Variants in MEMO1 observed in about 807,000 individuals in gnomAD.
MEMO1 encodes mediator of cell motility 1, also known as protein MEMO1.
In MEMO1, 6 loss-of-function variants were observed where a neutral mutation model predicts 45.2. The ratio of observed to expected loss-of-function variants is 0.13; its 90% CI spans 0.07 to 0.26. The LOEUF is 0.26. Ranked by LOEUF, MEMO1 falls within the 10% of genes least tolerant of loss-of-function variation. The probability of loss-of-function intolerance (pLI) is 1.00; values close to 1 mark genes in which losing one functional copy is unlikely to be tolerated. For missense variants in MEMO1, 184 were observed against 370.5 expected (o/e 0.50, Z 4.13); for synonymous variants, 78 against 124.3 (o/e 0.63, Z 2.48).
chr2:32,006,354 T>C (rs1674067500), intron 2 of MEMO1, among the ~76,000 whole-genome samples: 1 of 152,160 alleles, frequency 6.6e-6, no homozygotes, highest in Non-Finnish European at 1.5e-5. Flanking sequence ...ATGAAAGCGG[T>C]AGCAAATCTG....
chr2:31,918,056 A>G lies in MEMO1; in HGVS notation c.326-19T>C. ...CCGTAAACTAAAGAGATTTCAAAAT[A>G]CAGTAAAATAAATATATTAATGTAT... On this transcript the variant is annotated intron_variant, in intron 5 of 9. Coordinates refer to ENST00000404530, the MANE Select transcript of MEMO1 (RefSeq NM_001301833.4). 1 of 1,541,442 alleles carries G rather than the reference A, an allele frequency of 6.5e-7. No individual in the cohort carries two copies. The highest frequency in any genetic ancestry group is 1.1e-5 in the South Asian group (1 of 87,608).
chr2:31,878,812 C>CAG (rs10668148), intron 8 of MEMO1, among the ~76,000 whole-genome samples: 138,276 of 152,094 alleles, frequency 0.91, 62,953 homozygotes, highest in East Asian at 1. Flanking sequence ...ATTTTAATGA[C>CAG]GGGAAAATTT....
rs114503197 is a variant in MEMO1, at chr2:31,998,182, A to G, written c.61+12005T>C. ...AGGCATGTGCCAACCACACCTGGCTAATTTTTGTTATTTTTTGTAGAGACG... is the reference window on the plus strand; with the variant it reads ...AGGCATGTGCCAACCACACCTGGCTGATTTTTGTTATTTTTTGTAGAGACG... On this transcript the variant is annotated intron_variant, in intron 2 of 9. Transcript: ENST00000404530. Among the ~76,000 whole-genome samples the G allele has an allele frequency of 9.2e-3, 1,396 of 152,184 alleles. 23 individuals are homozygous for G. Among genetic ancestry groups the G allele is most frequent in the African/African-American group, 0.031 (1,305 of 41,520 alleles).
intron 2 of MEMO1, among the ~76,000 whole-genome samples, chr2:31,980,996 A>G (rs886570478): frequency 1.3e-5 from 2 of 152,206 alleles, no homozygotes; most frequent in African/African-American, 4.8e-5. Flanking sequence ...TCAGTGTCCA[A>G]CTCTTTCCCA....
At chr2:31,986,734 A>C (rs1671307712) in intron 2 of MEMO1, among the ~76,000 whole-genome samples, 2 of 152,216 alleles carry the variant, frequency 1.3e-5, no homozygotes, top group Admixed American at 1.3e-4. Flanking sequence ...AACTTAAGTA[A>C]CTTCAAATTG....
intron 2 of MEMO1, among the ~76,000 whole-genome samples, chr2:31,969,386 TATATATACGTGTATATAC>T: frequency 1.3e-5 from 2 of 149,546 alleles, no homozygotes; most frequent in Non-Finnish European, 3.0e-5. Context: ...CACATGTGTA[TATATATACGTGTATATAC>T]ATATATACAC....
At chr2:31,913,976 G>C (rs1425375628) in intron 6 of MEMO1, among the ~76,000 whole-genome samples, 1 of 152,154 alleles carries the variant, frequency 6.6e-6, no homozygotes, top group African/African-American at 2.4e-5. Context: ...TCGATATTAA[G>C]AGGGCTGGAA....
chr2:31,959,639 A>G (rs149995636), intron 2 of MEMO1, among the ~76,000 whole-genome samples: 5 of 152,288 alleles, frequency 3.3e-5, no homozygotes, highest in African/African-American at 7.2e-5. Flanking sequence ...AAAATGGAGA[A>G]AGCAAATGAA....
At chr2:32,002,165 AAAAAT>A (rs1673419492) in intron 2 of MEMO1, among the ~76,000 whole-genome samples, 1 of 123,518 alleles carries the variant, frequency 8.1e-6, no homozygotes, top group African/African-American at 3.4e-5. Context: ...AAAAAAAAAA[AAAAAT>A]ATATATATAT....
At chr2:31,918,666 A>C (rs1681838587) in intron 5 of MEMO1, among the ~76,000 whole-genome samples, 1 of 152,182 alleles carries the variant, frequency 6.6e-6, no homozygotes, top group African/African-American at 2.4e-5. Context: ...ACTTTAAAAC[A>C]CCTAGTAATT....
At chr2:31,988,175 A>G (rs1336736120) in intron 2 of MEMO1, among the ~76,000 whole-genome samples, 6 of 152,204 alleles carry the variant, frequency 3.9e-5, no homozygotes, top group Admixed American at 3.9e-4. Context: ...AAGGTCCTCC[A>G]GACCAAAACC....
chr2:31,961,190 T>C (rs909742779), intron 2 of MEMO1, among the ~76,000 whole-genome samples: 1 of 151,720 alleles, frequency 6.6e-6, no homozygotes, highest in Admixed American at 6.6e-5. Flanking sequence ...AATCCCCCTC[T>C]CTACTGAAAA....
chr2:31,906,483 C>T (rs1312554541), intron 6 of MEMO1, among the ~76,000 whole-genome samples: 1 of 151,830 alleles, frequency 6.6e-6, no homozygotes, highest in Non-Finnish European at 1.5e-5. Context: ...GCCACCAAGC[C>T]TGGCTAATTT....
rs759538079 is a variant in MEMO1, at chr2:31,932,148, A to G, written c.144-13T>C. 6.2e-7 allele frequency: 1 copy of G among 1,608,966 alleles called. No individual in the cohort carries two copies. On this transcript the variant is annotated splice_polypyrimidine_tract_variant and intron_variant, in intron 3 of 9. Transcript: ENST00000404530. The stretch of plus-strand genomic sequence containing the variant: ...ATATCCTGCATGGCTACAAAACAAA[A>G]TATTTTTAAACTTAATCATCAGATT...
intron 2 of MEMO1, among the ~76,000 whole-genome samples, chr2:31,951,428 T>C (rs970834073): frequency 1.3e-5 from 2 of 151,956 alleles, no homozygotes; most frequent in Non-Finnish European, 2.9e-5. Context: ...GAAAAATTCA[T>C]CAAAAATCAG....
intron 6 of MEMO1, among the ~76,000 whole-genome samples, chr2:31,906,931 AT>A (rs77343966): frequency 1.3e-5 from 2 of 152,242 alleles, no homozygotes; most frequent in East Asian, 1.9e-4. Context: ...GTATAAAAAA[AT>A]TTTTTTCTAA....
intron 3 of MEMO1, among the ~76,000 whole-genome samples, chr2:31,935,398 T>C (rs1458240629): frequency 1.3e-5 from 2 of 152,122 alleles, no homozygotes; most frequent in Non-Finnish European, 2.9e-5. Flanking sequence ...GGTAAATACA[T>C]GATTAATAAT....
intron 8 of MEMO1, among the ~76,000 whole-genome samples, chr2:31,875,969 G>A (rs1385557711): frequency 6.6e-6 from 1 of 152,234 alleles, no homozygotes. Context: ...TTACAGGCAT[G>A]AGCCACCGCC....
chr2:31,891,155 G>T (rs1558480580), intron 7 of MEMO1, among the ~76,000 whole-genome samples: 2 of 152,090 alleles, frequency 1.3e-5, no homozygotes, highest in Non-Finnish European at 1.5e-5. Flanking sequence ...AAAAATTATG[G>T]TCTTACATTT....
Sources: gnomAD v4.1 joint callset for allele counts (sites outside exome capture counted in the v4.1 genomes callset) on GRCh38, gnomAD v4.1.1 for gene constraint, MANE v1.5 for transcripts, NCBI Gene and HGNC (gene_info 2026-07-23, HGNC 2026-07-21) for gene names.